WWOX: variants seen among roughly 807,000 people sequenced by gnomAD.
WWOX encodes the protein WW domain containing oxidoreductase.
In WWOX, 69 loss-of-function variants were observed where a neutral mutation model predicts 46.2. That is an observed-to-expected ratio of 1.49 (90% CI 1.23 to 1.82). WWOX has a LOEUF of 1.82. Ranked by LOEUF, WWOX falls within the 40% of genes most tolerant of loss-of-function variation. The pLI is 0.00. For synonymous variants in WWOX, 359 were observed against 202.6 expected, an observed-to-expected ratio of 1.77 and a Z score of -6.56; for missense variants, 919 against 542.6, an observed-to-expected ratio of 1.69 and a Z score of -6.89.
intron 8 of WWOX, among the ~76,000 whole-genome samples, chr16:78,493,892 A>G (rs933962230): frequency 2.0e-5 from 3 of 152,160 alleles, no homozygotes; most frequent in Non-Finnish European, 4.4e-5. Flanking sequence ...ATGAATGGTA[A>G]TACTTCCCTA....
chr16:78,561,546 G>A (rs1175930680), intron 8 of WWOX, among the ~76,000 whole-genome samples: 3 of 152,038 alleles, frequency 2.0e-5, no homozygotes, highest in East Asian at 1.9e-4. Flanking sequence ...CCGGGAATCC[G>A]GGAGGCCAAT....
intron 8 of WWOX, among the ~76,000 whole-genome samples, chr16:78,748,311 A>G (rs940525980): frequency 2.0e-5 from 3 of 151,938 alleles, no homozygotes; most frequent in African/African-American, 7.3e-5. Flanking sequence ...AGCTCAAAAG[A>G]CTCTATGCAA....
At chr16:78,442,689 C>T (rs185256957) in intron 8 of WWOX, among the ~76,000 whole-genome samples, 1 of 152,054 alleles carries the variant, frequency 6.6e-6, no homozygotes, top group South Asian at 2.1e-4. Context: ...AACATAAAAA[C>T]CTCATATGGG....
intron 8 of WWOX, among the ~76,000 whole-genome samples, chr16:78,983,135 TC>T (rs1328364534): frequency 2.6e-5 from 4 of 152,292 alleles, no homozygotes; most frequent in African/African-American, 9.6e-5. Flanking sequence ...AACATCTTTT[TC>T]CCACCAAGGC....
intron 8 of WWOX, among the ~76,000 whole-genome samples, chr16:78,466,715 C>T (rs1477145411): frequency 1.3e-5 from 2 of 152,132 alleles, no homozygotes; most frequent in African/African-American, 4.8e-5. Flanking sequence ...AGGCTTGGCG[C>T]TGGGTTTCTG....
intron 8 of WWOX, among the ~76,000 whole-genome samples, chr16:78,697,148 A>G (rs28833584): frequency 0.01 from 1,582 of 152,294 alleles, 28 homozygotes; most frequent in African/African-American, 0.035. Flanking sequence ...TGTCTTTCAT[A>G]TAAGGACTTC....
At chr16:78,671,694 T>G (rs1438130426) in intron 8 of WWOX, among the ~76,000 whole-genome samples, 1 of 152,224 alleles carries the variant, frequency 6.6e-6, no homozygotes, top group African/African-American at 2.4e-5. Flanking sequence ...GCATAGTGCC[T>G]GATTCAGAGT....
intron 5 of WWOX, among the ~76,000 whole-genome samples, chr16:78,342,953 A>G (rs12597204): frequency 0.23 from 27,325 of 119,904 alleles, 8,793 homozygotes; most frequent in African/African-American, 0.38. Context: ...ACCTTGGGAT[A>G]GGCCCTTGCA....
intron 5 of WWOX, among the ~76,000 whole-genome samples, chr16:78,327,900 A>G (rs1364594220): frequency 2.2e-5 from 2 of 90,986 alleles, no homozygotes; most frequent in South Asian, 3.8e-4. Context: ...TTTTTTTGAG[A>G]TGATCTTCTT....
intron 5 of WWOX, among the ~76,000 whole-genome samples, chr16:78,295,480 G>A (rs1299213872): frequency 6.6e-6 from 1 of 152,214 alleles, no homozygotes; most frequent in Non-Finnish European, 1.5e-5. Flanking sequence ...TGGAGGATGA[G>A]GTGGGTGGAT....
At chr16:78,174,263 C>G (rs35272142) in intron 5 of WWOX, among the ~76,000 whole-genome samples, 1 of 152,082 alleles carries the variant, frequency 6.6e-6, no homozygotes, top group Non-Finnish European at 1.5e-5. Flanking sequence ...TATATGGTGT[C>G]AGCAAGAGAA....
At chr16:78,325,002 C>T (rs1302388104) in intron 5 of WWOX, among the ~76,000 whole-genome samples, 1 of 152,128 alleles carries the variant, frequency 6.6e-6, no homozygotes, top group Non-Finnish European at 1.5e-5. Flanking sequence ...CACTCAGGGC[C>T]CGAGCTGCTC....
chr16:78,699,815 T>C (rs540560482), intron 8 of WWOX, among the ~76,000 whole-genome samples: 1 of 152,336 alleles, frequency 6.6e-6, no homozygotes, highest in South Asian at 2.1e-4. Context: ...TATGCATTCT[T>C]GTTAATTTAT....
intron 8 of WWOX, among the ~76,000 whole-genome samples, chr16:78,609,796 A>AT (rs1298620860): frequency 1.3e-5 from 2 of 152,052 alleles, no homozygotes; most frequent in Admixed American, 1.3e-4. Flanking sequence ...AAATGAAAAT[A>AT]TTTTTTCCAA....
chr16:78,655,674 A>C (rs937203898), intron 8 of WWOX, among the ~76,000 whole-genome samples: 4 of 152,120 alleles, frequency 2.6e-5, no homozygotes, highest in African/African-American at 9.7e-5. Context: ...ACAGAGATGC[A>C]AGGGGCTGGG....
intron 8 of WWOX, among the ~76,000 whole-genome samples, chr16:78,584,797 A>G (rs1261669372): frequency 4.6e-5 from 7 of 152,254 alleles, no homozygotes; most frequent in South Asian, 2.1e-4. Context: ...TGGTGATGTG[A>G]TCACTTGGCC....
chr16:78,735,243 G>A (rs1432437587), intron 8 of WWOX, among the ~76,000 whole-genome samples: 1 of 152,012 alleles, frequency 6.6e-6, no homozygotes, highest in African/African-American at 2.4e-5. Flanking sequence ...GCTGGAGTTG[G>A]ACTGAAACTA....
intron 4 of WWOX, among the ~76,000 whole-genome samples, chr16:78,161,957 T>C (rs1400023544): frequency 6.6e-6 from 1 of 152,230 alleles, no homozygotes; most frequent in Non-Finnish European, 1.5e-5. Flanking sequence ...ATTTTTGCTA[T>C]ATATTTTAAA....
intron 8 of WWOX, among the ~76,000 whole-genome samples, chr16:79,041,511 A>G (rs1484493358): frequency 6.6e-6 from 1 of 152,166 alleles, no homozygotes; most frequent in Non-Finnish European, 1.5e-5. Flanking sequence ...CATGCTCATT[A>G]AGTCCGCAGA....
Sources: gnomAD v4.1 joint callset for allele counts (sites outside exome capture counted in the v4.1 genomes callset) on GRCh38, gnomAD v4.1.1 for gene constraint, MANE v1.5 for transcripts, NCBI Gene and HGNC (gene_info 2026-07-23, HGNC 2026-07-21) for gene names.